The following PTPRN2 variants were observed in gnomAD, a reference collection of about 807,000 sequenced individuals.
PTPRN2 encodes protein tyrosine phosphatase receptor type N2, also known as receptor-type tyrosine-protein phosphatase N2.
A neutral mutation model predicts 118.8 loss-of-function variants in PTPRN2; 74 were observed. That is an observed-to-expected ratio of 0.62 (90% CI 0.52 to 0.76). The LOEUF (loss-of-function observed/expected upper bound fraction) is 0.76. PTPRN2 is among the 30% of genes least tolerant of loss of function. The pLI is 0.00. For synonymous variants in PTPRN2, 641 were observed against 608.0 expected (o/e 1.05, Z -0.80); for missense variants, 1,481 against 1,394.4 (o/e 1.06, Z -0.99).
At chr7:157,683,038 C>A in intron 12 of PTPRN2, 101 bp from the exon 13 acceptor site, 1 of 1,068,668 alleles carries the variant, frequency 9.4e-7, no homozygotes, top group Non-Finnish European at 1.4e-6. Context: ...AGCTCAGCCC[C>A]ACAGGACGCT....
chr7:157,652,970 G>A (rs1460892609), intron 14 of PTPRN2, among the ~76,000 whole-genome samples: 2 of 152,190 alleles, frequency 1.3e-5, no homozygotes, highest in East Asian at 1.9e-4. Context: ...GGGGGCTCTC[G>A]GGGCCAGGAG....
intron 3 of PTPRN2, among the ~76,000 whole-genome samples, chr7:158,294,547 GCTC>G (rs1314845416): frequency 2.6e-5 from 4 of 152,150 alleles, no homozygotes; most frequent in African/African-American, 7.2e-5. Context: ...CCGGCCCTCA[GCTC>G]CTCAACTGAT....
chr7:158,077,469 G>A (rs1812454632), intron 11 of PTPRN2, among the ~76,000 whole-genome samples: 1 of 150,520 alleles, frequency 6.6e-6, no homozygotes, highest in African/African-American at 2.5e-5. Context: ...GGTGGAGGAT[G>A]CTGAGGTCAA....
intron 12 of PTPRN2, among the ~76,000 whole-genome samples, chr7:157,695,745 C>CACT (rs933306279): frequency 8.5e-5 from 13 of 152,338 alleles, no homozygotes; most frequent in African/African-American, 2.9e-4. Context: ...GAGCATCAGA[C>CACT]ACTAGTGAGA....
chr7:158,166,788 T>C, intron 6 of PTPRN2, 143 bp downstream of exon 6: 2 of 1,114,330 alleles, frequency 1.8e-6, no homozygotes, highest in East Asian at 2.9e-5. Context: ...CTTCCCTACA[T>C]GGTGCCCCAT....
chr7:158,337,662 T>G (rs1368130039), intron 2 of PTPRN2, among the ~76,000 whole-genome samples: 261 of 52,564 alleles, frequency 5.0e-3, no homozygotes, highest in Admixed American at 5.5e-3. Flanking sequence ...CTCACCATAA[T>G]TGGTGACACC....
rs150764199 is a variant in PTPRN2, at chr7:157,880,319, G to A, written c.1788+18354C>T. On this transcript the variant is annotated intron_variant, in intron 12 of 22. Coordinates refer to ENST00000389418, the MANE Select transcript of PTPRN2 (RefSeq NM_002847.5). The stretch of plus-strand genomic sequence containing the variant: ...AAATAAATTCATTACTCTACCCGCC[G>A]CACACCAAAATGAAAAGGCTTCTAT... 3.0e-3 allele frequency among the ~76,000 whole-genome samples: 462 copies of A among 152,254 alleles called. 5 individuals are homozygous for A. Among genetic ancestry groups the A allele is most frequent in the African/African-American group, 0.01 (432 of 41,542 alleles).
intron 6 of PTPRN2, among the ~76,000 whole-genome samples, chr7:158,140,642 C>G (rs1027705839): frequency 2.0e-5 from 3 of 152,234 alleles, no homozygotes; most frequent in African/African-American, 7.2e-5. Flanking sequence ...TGGGCGAGGT[C>G]TGCCCAGGGC....
At chr7:158,210,925 G>A (rs1375319590) in intron 3 of PTPRN2, among the ~76,000 whole-genome samples, 1 of 152,164 alleles carries the variant, frequency 6.6e-6, no homozygotes, top group Non-Finnish European at 1.5e-5. Flanking sequence ...AAAAGATAGA[G>A]GAGGAGGAAA....
chr7:158,155,202 C>T (rs1479729878), intron 6 of PTPRN2, among the ~76,000 whole-genome samples: 1 of 152,212 alleles, frequency 6.6e-6, no homozygotes. Context: ...GCATTCTCAA[C>T]TGCCACAGCC....
chr7:158,128,733 G>A (rs62480206), intron 9 of PTPRN2, among the ~76,000 whole-genome samples: 42,491 of 151,932 alleles, frequency 0.28, 6,844 homozygotes, highest in Middle Eastern at 0.44. Flanking sequence ...TGAACACCTC[G>A]GCATCCATTT....
rs114259700 is a variant in PTPRN2, at chr7:157,544,848, C to T, written c.2977-4063G>A. Among the ~76,000 whole-genome samples, 620 of 151,654 alleles carry T rather than the reference C, an allele frequency of 4.1e-3. 4 individuals carry two copies. Among genetic ancestry groups the T allele is most frequent in the African/African-American group, 0.013 (545 of 41,380 alleles). On this transcript the variant is annotated intron_variant, in intron 22 of 22. Coordinates refer to ENST00000389418, the MANE Select transcript of PTPRN2 (RefSeq NM_002847.5). The stretch of plus-strand genomic sequence containing the variant: ...ACGGGAATGTGTGCGGGTGTGTGTG[C>T]GTGCATGCAGCTGTGTGTGGATGTG...
At chr7:158,473,266 T>G (rs990694581) in intron 2 of PTPRN2, among the ~76,000 whole-genome samples, 1 of 152,170 alleles carries the variant, frequency 6.6e-6, no homozygotes, top group African/African-American at 2.4e-5. Flanking sequence ...CTCTAAACAC[T>G]GCAGCCACTC....
intron 11 of PTPRN2, chr7:158,029,132 G>T (rs114085505): frequency 6.6e-6 from 1 of 152,264 alleles, no homozygotes; most frequent in Non-Finnish European, 1.5e-5. Context: ...CCCACCACTC[G>T]CCGTGGGCAC....
At chr7:157,789,148 G>A (rs139363492) in intron 12 of PTPRN2, among the ~76,000 whole-genome samples, 2 of 152,340 alleles carry the variant, frequency 1.3e-5, no homozygotes, top group Non-Finnish European at 2.9e-5. Context: ...ACTGTCTTCC[G>A]GCGGGCTGGT....
intron 3 of PTPRN2, among the ~76,000 whole-genome samples, chr7:158,294,583 C>T (rs971560130): frequency 2.0e-5 from 3 of 152,194 alleles, no homozygotes; most frequent in Non-Finnish European, 2.9e-5. Context: ...CAGCATCAGA[C>T]ATGCGTGTGC....
At chr7:158,423,206 A>C (rs1272189325) in intron 2 of PTPRN2, among the ~76,000 whole-genome samples, 1 of 152,246 alleles carries the variant, frequency 6.6e-6, no homozygotes, top group East Asian at 1.9e-4. Flanking sequence ...AACAAGCAAG[A>C]AACCCAAGAG....
chr7:158,294,884 C>T (rs971554394), intron 3 of PTPRN2, among the ~76,000 whole-genome samples: 80 of 140,988 alleles, frequency 5.7e-4, no homozygotes, highest in African/African-American at 2.0e-3. Flanking sequence ...CCATGGGGCC[C>T]GCTGACCCTG....
intron 12 of PTPRN2, among the ~76,000 whole-genome samples, chr7:157,769,187 C>G (rs967816601): frequency 6.6e-6 from 1 of 152,114 alleles, no homozygotes; most frequent in African/African-American, 2.4e-5. Flanking sequence ...CTCATTATTC[C>G]GCCCCCCACA....
Sources: gnomAD v4.1 joint callset for allele counts (sites outside exome capture counted in the v4.1 genomes callset) on GRCh38, gnomAD v4.1.1 for gene constraint, MANE v1.5 for transcripts, NCBI Gene and HGNC (gene_info 2026-07-23, HGNC 2026-07-21) for gene names.